Variants in NEBL observed in about 807,000 individuals in gnomAD.
NEBL encodes the protein nebulette.
NEBL carries 122 observed loss-of-function variants against 140.2 expected under a neutral mutation model. The observed-to-expected ratio is 0.87, with a 90% CI of 0.75 to 1.01. NEBL has a LOEUF of 1.01. Ranked by LOEUF, NEBL falls within the 50% of genes least tolerant of loss-of-function variation. The pLI, the probability that NEBL is intolerant of heterozygous loss-of-function variation, is 0.00. For missense variants in NEBL, 1,365 were observed against 1,231.3 expected (o/e 1.11, Z -1.62); for synonymous variants, 436 against 398.9 (o/e 1.09, Z -1.11).
intron 3 of NEBL, among the ~76,000 whole-genome samples, chr10:20,962,346 T>A (rs970500526): frequency 1.3e-5 from 2 of 152,222 alleles, no homozygotes; most frequent in Non-Finnish European, 2.9e-5. Context: ...AACATATGGA[T>A]ACAATTACAC....
chr10:21,092,036 C>T (rs1454069374), intron 2 of NEBL, among the ~76,000 whole-genome samples: 5 of 152,142 alleles, frequency 3.3e-5, no homozygotes, highest in Admixed American at 2.6e-4. Flanking sequence ...TTGTTAAGGG[C>T]GATTTTAGTT....
intron 2 of NEBL, chr10:21,113,459 A>T: frequency 2.5e-6 from 1 of 394,270 alleles, no homozygotes; most frequent in Non-Finnish European, 4.8e-6. Context: ...ATGACTGACC[A>T]GGAGGCTATT....
chr10:20,865,340 C>A (rs1459017008), intron 7 of NEBL, among the ~76,000 whole-genome samples: 1 of 152,184 alleles, frequency 6.6e-6, no homozygotes, highest in African/African-American at 2.4e-5. Context: ...ACCTTCACAG[C>A]AGCCCTGAGA....
chr10:21,006,139 A>G (rs967003752), intron 3 of NEBL, among the ~76,000 whole-genome samples: 1 of 152,160 alleles, frequency 6.6e-6, no homozygotes, highest in Admixed American at 6.5e-5. Context: ...TGATCGCATC[A>G]TATTCTTTGG....
rs557112931 is a variant in NEBL, at chr10:20,785,858, G to A, written c.2934C>T (p.Gly978=). ...QDEDEVSFRD[G]DYIVNVQPID... ...TAGGCTGCACGTTGACGATGTAGTC[G>A]CCGTCTCTAAAGGAGACCTCGTCTT... The change falls in exon 28 of 28, where the codon GGC becomes GGT. Residue 978 remains glycine, a synonymous_variant. Coordinates refer to ENST00000377122, the MANE Select transcript of NEBL (RefSeq NM_006393.3). 9.3e-6 allele frequency: 15 copies of A among 1,613,786 alleles called. No homozygotes were observed. In the African/African-American group the frequency reaches 1.1e-4, roughly 11 times the overall value.
At chr10:21,146,909 T>C (rs1238179588) in intron 2 of NEBL, among the ~76,000 whole-genome samples, 3 of 152,116 alleles carry the variant, frequency 2.0e-5, no homozygotes, top group African/African-American at 7.2e-5. Flanking sequence ...AGATAGGCCT[T>C]AGGGTTTTAG....
intron 4 of NEBL, among the ~76,000 whole-genome samples, chr10:20,914,794 C>T (rs1848467845): frequency 6.6e-6 from 1 of 151,876 alleles, no homozygotes; most frequent in Non-Finnish European, 1.5e-5. Flanking sequence ...AATTTTAATA[C>T]CAAATTTACT....
At chr10:21,085,885 A>G (rs1290481681) in intron 2 of NEBL, among the ~76,000 whole-genome samples, 2 of 152,218 alleles carry the variant, frequency 1.3e-5, no homozygotes, top group Non-Finnish European at 1.5e-5. Flanking sequence ...TCTCTCAGAT[A>G]TCATGAATAA....
chr10:20,956,424 C>T (rs974579912), intron 4 of NEBL, among the ~76,000 whole-genome samples: 3 of 152,084 alleles, frequency 2.0e-5, no homozygotes, highest in African/African-American at 7.2e-5. Flanking sequence ...CCACTATTTA[C>T]TGGGAATTCA....
chr10:20,831,298 G>A lies in NEBL; in HGVS notation c.1569C>T (p.Tyr523=). 1 of 1,605,028 alleles carries A rather than the reference G, an allele frequency of 6.2e-7. No homozygotes were observed. The highest frequency in any genetic ancestry group is 8.5e-7 in the Non-Finnish European group (1 of 1,172,810). ...TAATTTCATTTTCTAAGTCCTTCTT[G>A]TATTGTTTCTAAAAGAACAGAAAAT... The part of the protein sequence containing the change: ...KASEMASQKQ[Y]KKDLENEIKG... The change falls in exon 16 of 28, where the codon TAC becomes TAT. Residue 523 remains tyrosine, a synonymous_variant. Transcript: ENST00000377122.
chr10:20,885,416 C>T (rs1257612992), intron 4 of NEBL, among the ~76,000 whole-genome samples: 1 of 152,180 alleles, frequency 6.6e-6, no homozygotes, highest in Non-Finnish European at 1.5e-5. Context: ...CTAATTACAA[C>T]AATGGAAATC....
intron 3 of NEBL, among the ~76,000 whole-genome samples, chr10:21,008,991 G>A (rs931297332): frequency 1.3e-5 from 2 of 151,580 alleles, no homozygotes; most frequent in Non-Finnish European, 2.9e-5. Flanking sequence ...GACATTAAGT[G>A]GTATTCCTAT....
At chr10:21,241,698 TC>T (rs1196620854) in intron 3 of NEBL, among the ~76,000 whole-genome samples, 1 of 151,960 alleles carries the variant, frequency 6.6e-6, no homozygotes, top group Non-Finnish European at 1.5e-5. Flanking sequence ...GTAAGGAGGT[TC>T]CTATGCCTAT....
upstream of NEBL, among the ~76,000 whole-genome samples, chr10:21,176,834 T>A (rs1000261989): frequency 5.3e-5 from 8 of 152,070 alleles, no homozygotes; most frequent in African/African-American, 1.4e-4. Context: ...TAAAGTTGAA[T>A]TTTTTTTAGC....
chr10:20,928,844 A>C (rs549819679), intron 4 of NEBL, among the ~76,000 whole-genome samples: 1 of 152,360 alleles, frequency 6.6e-6, no homozygotes, highest in East Asian at 1.9e-4. Context: ...TTTAAAAACA[A>C]AGATGAAAAA....
chr10:21,290,452 C>G (rs1843126705), intron 1 of NEBL, among the ~76,000 whole-genome samples: 1 of 152,176 alleles, frequency 6.6e-6, no homozygotes, highest in African/African-American at 2.4e-5. Flanking sequence ...CTGGAAGTTT[C>G]TTTATCTGAT....
chr10:20,909,261 A>C (rs1211576630), intron 4 of NEBL, among the ~76,000 whole-genome samples: 1 of 142,054 alleles, frequency 7.0e-6, no homozygotes, highest in African/African-American at 2.7e-5. Context: ...TTTTTTTTTT[A>C]CCCTTTAACA....
In NEBL at chr10:21,098,772, C is replaced by T. The variant is rs74994550; in HGVS notation, c.164+73611G>A. ...AAGTCCTCCTCTGGCCAGCTTTCCC[C>T]CATGGCCTCTCACTTGAACAGTTGT... On this transcript the variant is annotated intron_variant, in intron 2 of 6. Coordinates refer to the NEBL transcript ENST00000417816. 6.7e-3 allele frequency among the ~76,000 whole-genome samples: 1,018 copies of T among 152,328 alleles called. 12 individuals are homozygous for T. Among genetic ancestry groups the T allele is most frequent in the African/African-American group, 0.023 (936 of 41,574 alleles).
intron 22 of NEBL, among the ~76,000 whole-genome samples, chr10:20,814,617 T>TACACACAC (rs3990287): frequency 0.071 from 10,380 of 146,432 alleles, 442 homozygotes; most frequent in Middle Eastern, 0.12. Context: ...CATACACACA[T>TACACACAC]ACACACACAC....
Sources: gnomAD v4.1 joint callset for allele counts (sites outside exome capture counted in the v4.1 genomes callset) on GRCh38, gnomAD v4.1.1 for gene constraint, MANE v1.5 for transcripts, NCBI Gene and HGNC (gene_info 2026-07-23, HGNC 2026-07-21) for gene names.